Variants in APBA1 observed in about 807,000 individuals in gnomAD.
The protein encoded by APBA1 is amyloid beta precursor protein binding family A member 1.
APBA1 carries 55 observed loss-of-function variants against 86.6 expected under a neutral mutation model. The observed-to-expected ratio is 0.64, with a 90% CI of 0.51 to 0.80. The LOEUF (loss-of-function observed/expected upper bound fraction) is 0.80. Among genes scored for constraint, APBA1 ranks in the 30% least tolerant of loss-of-function variants. The pLI, the probability that APBA1 is intolerant of heterozygous loss-of-function variation, is 0.00. For synonymous variants in APBA1, 511 were observed against 493.9 expected (o/e 1.03, Z -0.46); for missense variants, 1,090 against 1,183.0 (o/e 0.92, Z 1.15).
intron 2 of APBA1, among the ~76,000 whole-genome samples, chr9:69,503,501 T>C (rs896143039): frequency 6.6e-6 from 1 of 152,130 alleles, no homozygotes; most frequent in African/African-American, 2.4e-5. Context: ...CCTCTCAATA[T>C]TACAATTTCT....
intron 1 of APBA1, among the ~76,000 whole-genome samples, chr9:69,535,259 G>A (rs975660634): frequency 6.6e-6 from 1 of 152,150 alleles, no homozygotes; most frequent in African/African-American, 2.4e-5. Context: ...GGTGGGTCTT[G>A]GGTGAGGCCT....
intron 2 of APBA1, among the ~76,000 whole-genome samples, chr9:69,483,157 C>CAAAA (rs1192992471): frequency 1.4e-5 from 1 of 73,366 alleles, no homozygotes; most frequent in Non-Finnish European, 3.2e-5. Flanking sequence ...AAAAACGAAA[C>CAAAA]AAAAAAAAAA....
At chr9:69,656,029 T>A (rs1158398031) in intron 1 of APBA1, among the ~76,000 whole-genome samples, 1 of 152,222 alleles carries the variant, frequency 6.6e-6, no homozygotes, top group Non-Finnish European at 1.5e-5. Context: ...AATTTTTATG[T>A]GTCAATTTTA....
intron 11 of APBA1, among the ~76,000 whole-genome samples, chr9:69,434,421 A>G (rs527795699): frequency 6.6e-6 from 1 of 151,904 alleles, no homozygotes; most frequent in Admixed American, 6.6e-5. Context: ...CTTAAAACAA[A>G]AAAAAAAAAG....
At chr9:69,665,625 C>G (rs990302080) in intron 1 of APBA1, among the ~76,000 whole-genome samples, 3 of 152,096 alleles carry the variant, frequency 2.0e-5, no homozygotes, top group Non-Finnish European at 4.4e-5. Flanking sequence ...AAAGTTCTAG[C>G]CTCAAGGATC....
chr9:69,551,423 C>A (rs1315444199), intron 1 of APBA1, among the ~76,000 whole-genome samples: 1 of 152,090 alleles, frequency 6.6e-6, no homozygotes, highest in East Asian at 1.9e-4. Context: ...CGTGGTGGCA[C>A]ACGCCTGTAA....
intron 1 of APBA1, among the ~76,000 whole-genome samples, chr9:69,572,360 G>C (rs142456368): frequency 6.6e-6 from 1 of 152,044 alleles, no homozygotes; most frequent in South Asian, 2.1e-4. Flanking sequence ...CTGTTCCTGC[G>C]TTAGTTTGCT....
intron 1 of APBA1, among the ~76,000 whole-genome samples, chr9:69,547,490 A>G (rs1259086845): frequency 6.6e-6 from 1 of 151,906 alleles, no homozygotes; most frequent in Non-Finnish European, 1.5e-5. Flanking sequence ...GACCACCCCT[A>G]GCTGCAAGGA....
intron 1 of APBA1, among the ~76,000 whole-genome samples, chr9:69,583,131 T>G (rs1484448643): frequency 1.3e-5 from 2 of 152,156 alleles, no homozygotes; most frequent in Non-Finnish European, 2.9e-5. Context: ...GATTGACCCC[T>G]GTGATTTGGA....
At chr9:69,489,083 CCCCAT>C (rs1564053023) in intron 2 of APBA1, among the ~76,000 whole-genome samples, 4 of 152,166 alleles carry the variant, frequency 2.6e-5, no homozygotes, top group Non-Finnish European at 5.9e-5. Context: ...TCAATGCCAA[CCCCAT>C]CAAGCTACCA....
chr9:69,432,460 G>C, intron 12 of APBA1, 76 bp downstream of exon 12: 5 of 1,377,332 alleles, frequency 3.6e-6, no homozygotes, highest in Non-Finnish European at 4.8e-6. Context: ...GGTCTGCTCA[G>C]GGCCACGGTG....
intron 10 of APBA1, among the ~76,000 whole-genome samples, chr9:69,443,646 A>C (rs1238547498): frequency 6.6e-6 from 1 of 152,216 alleles, no homozygotes; most frequent in Non-Finnish European, 1.5e-5. Flanking sequence ...TTAACCTGGA[A>C]AGGACAGGAG....
At chr9:69,482,839 T>C (rs530915465) in intron 2 of APBA1, among the ~76,000 whole-genome samples, 6,496 of 150,610 alleles carry the variant, frequency 0.043, 493 homozygotes, top group African/African-American at 0.15. Flanking sequence ...ATGGATGAAA[T>C]TGGAAATCAT....
At chr9:69,547,932 A>G (rs1836723642) in intron 1 of APBA1, among the ~76,000 whole-genome samples, 1 of 152,220 alleles carries the variant, frequency 6.6e-6, no homozygotes, top group South Asian at 2.1e-4. Context: ...GGGTCCCAGA[A>G]CTTGTACAGA....
At chr9:69,559,677 C>T (rs1836918806) in intron 1 of APBA1, among the ~76,000 whole-genome samples, 2 of 152,156 alleles carry the variant, frequency 1.3e-5, no homozygotes, top group Admixed American at 1.3e-4. Flanking sequence ...TTAGGCTTCA[C>T]TGTTGTTCAG....
chr9:69,536,535 T>G (rs1392564470), intron 1 of APBA1, among the ~76,000 whole-genome samples: 1 of 151,622 alleles, frequency 6.6e-6, no homozygotes, highest in East Asian at 1.9e-4. Flanking sequence ...ATTTTACCAC[T>G]TGAACTACCT....
chr9:69,527,919 T>A (rs143784608), intron 1 of APBA1, among the ~76,000 whole-genome samples: 8 of 152,290 alleles, frequency 5.3e-5, no homozygotes, highest in African/African-American at 1.9e-4. Context: ...CATGCTAATA[T>A]CATGCACCTT....
chr9:69,516,086 T>C lies in APBA1; in HGVS notation c.1125A>G (p.Lys375=), dbSNP rs774728152. 6.2e-7 allele frequency: 1 copy of C among 1,613,036 alleles called. No homozygotes were observed. Among genetic ancestry groups the C allele is most frequent in the Non-Finnish European group, 8.5e-7 (1 of 1,179,396 alleles). Residue 375 remains lysine (K), a synonymous_variant, in exon 2 of 13, where the codon AAA becomes AAG. Coordinates refer to ENST00000265381, the MANE Select transcript of APBA1 (RefSeq NM_001163.4). The surrounding 1 kb of genome is among the most constrained non-coding windows in gnomAD (Gnocchi z 7.3). ...IRSPYTPDEP[K]EPIWVMRQDI... is the part of the protein sequence containing the mutation. ...CCTGGCGCATGACCCAGATGGGCTC[T>C]TTGGGCTCGTCGGGGGTGTAAGGCG...
chr9:69,495,701 T>TCA, intron 2 of APBA1, among the ~76,000 whole-genome samples: 1 of 152,166 alleles, frequency 6.6e-6, no homozygotes, highest in Non-Finnish European at 1.5e-5. Context: ...GGCTCTGAAT[T>TCA]GCTACCAGAA....
Sources: allele counts gnomAD v4.1 joint callset (sites outside exome capture counted in the v4.1 genomes callset), GRCh38; gene constraint gnomAD v4.1.1; non-coding constraint Gnocchi (gnomAD v3.1); transcripts MANE v1.5; gene names NCBI Gene and HGNC (gene_info 2026-07-23, HGNC 2026-07-21).